NR6A1: variants seen among roughly 807,000 people sequenced by gnomAD.
NR6A1 encodes nuclear receptor subfamily 6 group A member 1.
In NR6A1, 7 loss-of-function variants were observed where a neutral mutation model predicts 59.1. The ratio of observed to expected loss-of-function variants is 0.12; its 90% CI spans 0.07 to 0.22. The LOEUF (loss-of-function observed/expected upper bound fraction) is 0.22. Ranked by LOEUF, NR6A1 falls within the 10% of genes least tolerant of loss-of-function variation. NR6A1 has a pLI of 1.00. For missense variants in NR6A1, 468 were observed against 611.6 expected, an observed-to-expected ratio of 0.77 and a Z score of 2.48; for synonymous variants, 243 against 236.1, an observed-to-expected ratio of 1.03 and a Z score of -0.27.
chr9:124,747,304 C>A (rs1840363824), intron 1 of NR6A1, among the ~76,000 whole-genome samples: 1 of 150,940 alleles, frequency 6.6e-6, no homozygotes, highest in African/African-American at 2.4e-5. Context: ...ATCAACCCAA[C>A]CCGCCTCAGC....
chr9:124,581,728 C>A (rs1341972722), intron 2 of NR6A1, among the ~76,000 whole-genome samples: 1 of 151,920 alleles, frequency 6.6e-6, no homozygotes. Context: ...ATCAAATTTA[C>A]AAGAAAAAAA....
At chr9:124,626,130 C>T (rs1454118338) in intron 2 of NR6A1, among the ~76,000 whole-genome samples, 1 of 152,210 alleles carries the variant, frequency 6.6e-6, no homozygotes, top group Non-Finnish European at 1.5e-5. Context: ...GTCAGCCTTC[C>T]GAGCAGCTGG....
intron 9 of NR6A1, among the ~76,000 whole-genome samples, chr9:124,523,520 T>G (rs1051277668): frequency 7.9e-6 from 1 of 126,634 alleles, no homozygotes; most frequent in Non-Finnish European, 1.6e-5. Context: ...AAACATTGAT[T>G]TTTTTTTTTT....
chr9:124,598,959 C>T, intron 2 of NR6A1: 2 of 714,272 alleles, frequency 2.8e-6, no homozygotes, highest in Non-Finnish European at 2.6e-6. Context: ...TCATTACCCA[C>T]GTTGGGTTTC....
At position 124,661,128 on chromosome 9, in the gene NR6A1, T is replaced by G. The variant is rs957153167; in HGVS notation, c.142+72180A>C. ...AACTTCCGAGTTCTGGGTTGTATTT[T>G]CCAAAACAAAGAATTAAAATCAAAG... On this transcript the variant is annotated intron_variant, in intron 2 of 9. Transcript: ENST00000487099. Among the ~76,000 whole-genome samples the G allele has an allele frequency of 4.5e-4, 69 of 152,232 alleles. 1 individual carries two copies. Among genetic ancestry groups the G allele is most frequent in the African/African-American group, 1.6e-3 (68 of 41,544 alleles).
chr9:124,633,340 T>C lies in NR6A1; in HGVS notation c.143-78770A>G, dbSNP rs1174212253. Among the ~76,000 whole-genome samples the C allele has an allele frequency of 3.4e-5, 5 of 147,186 alleles. No individual in the cohort carries two copies. The East Asian group carries it at 1.0e-3, about 30-fold the overall frequency. On this transcript the variant is annotated intron_variant, in intron 2 of 9. Transcript: ENST00000487099. ...ATGGCGTGAACCCGGGAGGCGGAGC[T>C]TGCAGTGAGTCGAGATCGCGCCACT...
At chr9:124,645,009 G>C (rs1836890653) in intron 2 of NR6A1, among the ~76,000 whole-genome samples, 1 of 152,144 alleles carries the variant, frequency 6.6e-6, no homozygotes, top group Non-Finnish European at 1.5e-5. Context: ...AAAACACATT[G>C]AACGTACAAC....
rs112779629 is a variant in NR6A1, at chr9:124,556,604, G to C, written c.143-2034C>G. 6.8e-3 allele frequency among the ~76,000 whole-genome samples: 1,027 copies of C among 152,120 alleles called. 12 individuals are homozygous for C. Among genetic ancestry groups the C allele is most frequent in the African/African-American group, 0.023 (952 of 41,490 alleles). On this transcript the variant is annotated intron_variant, in intron 2 of 9. Coordinates refer to ENST00000487099, the MANE Select transcript of NR6A1 (RefSeq NM_033334.4). Reference sequence around the variant, plus strand: ...GCCTCCCAAGTAGCTGGGATTACAGGTGCCTGCCACCATGCCCTGCTAATT... The same window carrying C: ...GCCTCCCAAGTAGCTGGGATTACAGCTGCCTGCCACCATGCCCTGCTAATT...
At chr9:124,601,778 CAT>C (rs996919343) in intron 2 of NR6A1, among the ~76,000 whole-genome samples, 38 of 151,728 alleles carry the variant, frequency 2.5e-4, no homozygotes, top group African/African-American at 8.9e-4. Context: ...GCTTTGGAAA[CAT>C]AGGGAGACCC....
At chr9:124,709,999 C>T (rs929785830) in intron 2 of NR6A1, among the ~76,000 whole-genome samples, 1 of 150,560 alleles carries the variant, frequency 6.6e-6, no homozygotes, top group South Asian at 2.1e-4. Context: ...CTATTTTAAA[C>T]TAGCTTGAGA....
At chr9:124,725,325 C>T (rs1035239732) in intron 2 of NR6A1, among the ~76,000 whole-genome samples, 1 of 151,682 alleles carries the variant, frequency 6.6e-6, no homozygotes, top group Non-Finnish European at 1.5e-5. Context: ...GGAAGGCAGC[C>T]AGAGTGTGAA....
intron 2 of NR6A1, chr9:124,599,419 C>CA (rs530668330): frequency 0.096 from 27,718 of 288,194 alleles, 88 homozygotes; most frequent in South Asian, 0.12. Flanking sequence ...TACATGGTCT[C>CA]AAAAAAAAAA....
intron 8 of NR6A1, among the ~76,000 whole-genome samples, chr9:124,525,662 A>AT (rs1454796244): frequency 6.7e-6 from 1 of 150,142 alleles, no homozygotes; most frequent in African/African-American, 2.5e-5. Flanking sequence ...TGGCCCCTCC[A>AT]TTTTTTCTAA....
chr9:124,546,064 G>A (rs1043902339), intron 3 of NR6A1, among the ~76,000 whole-genome samples: 1 of 152,212 alleles, frequency 6.6e-6, no homozygotes, highest in Non-Finnish European at 1.5e-5. Flanking sequence ...GCGGTGAACT[G>A]AGATGGTGCT....
At chr9:124,585,293 C>G (rs1434659735) in intron 2 of NR6A1, among the ~76,000 whole-genome samples, 1 of 152,154 alleles carries the variant, frequency 6.6e-6, no homozygotes, top group Non-Finnish European at 1.5e-5. Context: ...GTAATCCCAG[C>G]ACTTTTGGAG....
intron 2 of NR6A1, among the ~76,000 whole-genome samples, chr9:124,730,775 C>A (rs749109787): frequency 6.6e-6 from 1 of 151,776 alleles, no homozygotes; most frequent in South Asian, 2.1e-4. Flanking sequence ...AGAAAATGGG[C>A]ATTAACCATT....
At chr9:124,554,303 C>G in intron 3 of NR6A1, 25 bp downstream of exon 3, 1 of 1,613,864 alleles carries the variant, frequency 6.2e-7, no homozygotes. Flanking sequence ...AAGGATGGGC[C>G]ATCAGAGCCA....
chr9:124,710,181 A>G (rs377523623), intron 2 of NR6A1, among the ~76,000 whole-genome samples: 3 of 152,290 alleles, frequency 2.0e-5, no homozygotes, highest in East Asian at 1.9e-4. Context: ...CAAGTCAACA[A>G]AAGTCTCCGC....
intron 9 of NR6A1, among the ~76,000 whole-genome samples, chr9:124,523,107 C>T (rs1832839975): frequency 6.6e-6 from 1 of 152,118 alleles, no homozygotes; most frequent in Non-Finnish European, 1.5e-5. Context: ...CTACTTTTTA[C>T]CCTCATTTTA....
Sources: gnomAD v4.1 joint callset for allele counts (sites outside exome capture counted in the v4.1 genomes callset) on GRCh38, gnomAD v4.1.1 for gene constraint, MANE v1.5 for transcripts, NCBI Gene and HGNC (gene_info 2026-07-23, HGNC 2026-07-21) for gene names.